Variants in HRH1 observed in about 807,000 individuals in gnomAD.
HRH1 encodes histamine H1 receptor.
Under a neutral mutation model 10.3 loss-of-function variants are expected in HRH1, and 6 were observed. That is an observed-to-expected ratio of 0.58 (90% CI 0.32 to 1.15). The LOEUF (loss-of-function observed/expected upper bound fraction) is 1.15, where lower values mean the gene tolerates loss of function less well. Among genes scored for constraint, HRH1 ranks in the 50% most tolerant of loss-of-function variants. The pLI is 0.05. For synonymous variants in HRH1, 242 were observed against 236.7 expected (o/e 1.02, Z -0.21); for missense variants, 514 against 615.3 (o/e 0.84, Z 1.74).
At chr3:11,173,879 G>T (rs1391659656) in intron 1 of HRH1, among the ~76,000 whole-genome samples, 4 of 152,204 alleles carry the variant, frequency 2.6e-5, no homozygotes, top group African/African-American at 4.8e-5. Context: ...ACTCTGCCAG[G>T]TGTAAAGAGT....
intron 1 of HRH1, among the ~76,000 whole-genome samples, chr3:11,223,372 G>A (rs1028000823): frequency 2.6e-5 from 4 of 151,584 alleles, no homozygotes; most frequent in South Asian, 2.1e-4. Flanking sequence ...GGTGGCGGGC[G>A]CCTGTAGTCC....
intron 1 of HRH1, among the ~76,000 whole-genome samples, chr3:11,168,826 C>T (rs1207385253): frequency 1.3e-5 from 2 of 152,224 alleles, no homozygotes; most frequent in Non-Finnish European, 2.9e-5. Flanking sequence ...ATGCCCCATC[C>T]AGGAACCCGG....
At chr3:11,176,181 A>AAAG (rs796312202) in intron 1 of HRH1, among the ~76,000 whole-genome samples, 444 of 151,928 alleles carry the variant, frequency 2.9e-3, no homozygotes, top group African/African-American at 0.01. Flanking sequence ...AAAAAAAAAA[A>AAAG]AGAGAGAAAT....
intron 1 of HRH1, among the ~76,000 whole-genome samples, chr3:11,254,670 A>G (rs1371553780): frequency 6.6e-6 from 1 of 152,218 alleles, no homozygotes; most frequent in Admixed American, 6.5e-5. Context: ...CTCACGAGAA[A>G]TGATCTGAGA....
At chr3:11,245,668 C>G (rs1939461365) in intron 1 of HRH1, among the ~76,000 whole-genome samples, 1 of 152,144 alleles carries the variant, frequency 6.6e-6, no homozygotes, top group Non-Finnish European at 1.5e-5. Flanking sequence ...AAGCCCCTCC[C>G]CACCTAATGG....
intron 1 of HRH1, among the ~76,000 whole-genome samples, chr3:11,140,613 C>T (rs1319073681): frequency 6.6e-6 from 1 of 152,130 alleles, no homozygotes; most frequent in African/African-American, 2.4e-5. Context: ...GTGACCTCTT[C>T]CTGAAACCTC....
intron 1 of HRH1, among the ~76,000 whole-genome samples, chr3:11,175,674 A>C (rs1421283385): frequency 1.3e-5 from 2 of 152,234 alleles, no homozygotes; most frequent in African/African-American, 4.8e-5. Flanking sequence ...GGCTGCCTAC[A>C]CTGGAAGATT....
At chr3:11,191,902 A>G (rs981211790) in intron 1 of HRH1, among the ~76,000 whole-genome samples, 3 of 152,158 alleles carry the variant, frequency 2.0e-5, no homozygotes, top group Non-Finnish European at 4.4e-5. Context: ...AAACATCCCT[A>G]TGGGGCTGGC....
intron 1 of HRH1, among the ~76,000 whole-genome samples, chr3:11,163,996 C>T (rs1189190969): frequency 6.6e-6 from 1 of 152,210 alleles, no homozygotes; most frequent in Non-Finnish European, 1.5e-5. Flanking sequence ...ACTGATTTCC[C>T]TCCATATCCC....
intron 1 of HRH1, among the ~76,000 whole-genome samples, chr3:11,163,533 G>T (rs1936967169): frequency 6.6e-6 from 1 of 152,130 alleles, no homozygotes; most frequent in Admixed American, 6.6e-5. Flanking sequence ...CCAGGAGCAA[G>T]TTCTGAATTT....
chr3:11,202,194 A>G (rs1333738719), intron 1 of HRH1, among the ~76,000 whole-genome samples: 1 of 152,198 alleles, frequency 6.6e-6, no homozygotes, highest in Non-Finnish European at 1.5e-5. Flanking sequence ...ATGTGAGGTC[A>G]GGAGTTCATG....
At chr3:11,249,308 C>G (rs1939574503) in intron 1 of HRH1, among the ~76,000 whole-genome samples, 1 of 148,078 alleles carries the variant, frequency 6.8e-6, no homozygotes, top group South Asian at 2.1e-4. Flanking sequence ...GAGGCTGAAG[C>G]AGGAGAATGG....
chr3:11,196,517 T>C (rs1175124173), intron 1 of HRH1, among the ~76,000 whole-genome samples: 2 of 152,130 alleles, frequency 1.3e-5, no homozygotes, highest in Non-Finnish European at 2.9e-5. Flanking sequence ...GCAATTCTCC[T>C]TGATTTTTAC....
chr3:11,230,673 G>A (rs1276326958), intron 1 of HRH1, among the ~76,000 whole-genome samples: 4 of 152,114 alleles, frequency 2.6e-5, no homozygotes, highest in African/African-American at 9.7e-5. Flanking sequence ...GCATATGAAG[G>A]TTTAGGAAGC....
chr3:11,144,196 CTGAG>C (rs1186656814), intron 1 of HRH1, among the ~76,000 whole-genome samples: 2 of 151,944 alleles, frequency 1.3e-5, no homozygotes, highest in Non-Finnish European at 2.9e-5. Flanking sequence ...AATCTCACTA[CTGAG>C]TATCTACTCA....
Position 11,234,208 on chromosome 3 carries a change from AG to A in HRH1, c.-35-24793del, listed in dbSNP as rs1404998776. On this transcript the variant is annotated intron_variant, in intron 1 of 1. Coordinates refer to ENST00000431010, the MANE Select transcript of HRH1 (RefSeq NM_001098212.2). ...AGGTGACAACAAGGTCTTTTGCAAA[AG>A]GTCCACTCCAAAAGGACTGGAGCCC... is the stretch of plus-strand genomic sequence containing the variant. 4 of 1,239,700 alleles carry A rather than the reference AG, an allele frequency of 3.2e-6. No homozygotes were observed. The African/African-American group carries it at 4.5e-5, about 14-fold the overall frequency. 76.8% of individuals were successfully genotyped at this position (1,239,700 alleles called of 1,614,324 possible). A position where few individuals can be genotyped will look rare whatever the true frequency, so the allele number is the denominator to read the frequency against.
intron 1 of HRH1, among the ~76,000 whole-genome samples, chr3:11,235,909 A>G (rs1394426655): frequency 1.3e-5 from 2 of 152,210 alleles, no homozygotes; most frequent in Middle Eastern, 3.4e-3. Flanking sequence ...GCCGATTGCC[A>G]TTTCTGAGCT....
At chr3:11,144,373 A>G (rs554326311) in intron 1 of HRH1, among the ~76,000 whole-genome samples, 56 of 9,156 alleles carry the variant, frequency 6.1e-3, no homozygotes, top group African/African-American at 0.033. Flanking sequence ...GTGTGTGTAT[A>G]TATATGTCTA....
intron 1 of HRH1, among the ~76,000 whole-genome samples, chr3:11,144,438 T>A (rs1936371317): frequency 6.6e-6 from 1 of 151,568 alleles, no homozygotes; most frequent in Admixed American, 6.6e-5. Flanking sequence ...CATATAGACA[T>A]ATAGACATAC....
Sources: allele counts gnomAD v4.1 joint callset (sites outside exome capture counted in the v4.1 genomes callset), GRCh38; gene constraint gnomAD v4.1.1; transcripts MANE v1.5; gene names NCBI Gene and HGNC (gene_info 2026-07-23, HGNC 2026-07-21).